ITGB4: variants seen among roughly 807,000 people sequenced by gnomAD.
The protein encoded by ITGB4 is integrin subunit beta 4.
A neutral mutation model predicts 207.6 loss-of-function variants in ITGB4; 159 were observed. The observed-to-expected ratio is 0.77, with a 90% CI of 0.67 to 0.87. The LOEUF (loss-of-function observed/expected upper bound fraction) is 0.87, where lower values mean the gene tolerates loss of function less well. ITGB4 is among the 40% of genes least tolerant of loss of function. The probability of loss-of-function intolerance (pLI) is 0.00; values close to 1 mark genes in which losing one functional copy is unlikely to be tolerated. For synonymous variants in ITGB4, 1,020 were observed against 1,062.7 expected (o/e 0.96, Z 0.78); for missense variants, 2,278 against 2,546.8 (o/e 0.89, Z 2.27).
chr17:75,732,380 G>T lies in ITGB4; in HGVS notation c.1454+141G>T. ...GGCAATCAAAGAAACGGCTAAGGGC[G>T]GGGCACACCCAGTTGTTGGTCAAAC... On this transcript the variant is annotated intron_variant, in intron 12 of 39. Transcript: ENST00000200181. The surrounding 1 kb of genome is among the most constrained non-coding windows in gnomAD (Gnocchi z 5.3). 1.3e-6 allele frequency: 1 copy of T among 782,500 alleles called. No homozygotes were observed. The highest frequency in any genetic ancestry group is 2.0e-5 in the Admixed American group (1 of 50,156). 48.5% of individuals were successfully genotyped at this position (782,500 alleles called of 1,614,324 possible). A position where few individuals can be genotyped will look rare whatever the true frequency, so the allele number is the denominator to read the frequency against.
chr17:75,740,201 G>A lies in ITGB4; in HGVS notation c.2446+130G>A. ...ACAGGGCTCAGCCACCTTTTGCCCT[G>A]TGCTGATGGTGCTATGAACCTCATG... On this transcript the variant is annotated intron_variant, in intron 20 of 39. Transcript: ENST00000200181. The surrounding 1 kb of genome is among the most constrained non-coding windows in gnomAD (Gnocchi z 5.9). The A allele has an allele frequency of 1.7e-6, 2 of 1,212,030 alleles. No individual in the cohort carries two copies. The highest frequency in any genetic ancestry group is 2.3e-6 in the Non-Finnish European group (2 of 855,730). The allele number at this position is 1,212,030 out of a possible 1,614,324, so 75.1% of individuals were successfully genotyped here.
In ITGB4 at chr17:75,730,308, A is replaced by G. The variant is rs1463731456; in HGVS notation, c.806A>G (p.Tyr269Cys). The G allele has an allele frequency of 1.2e-6, 2 of 1,613,510 alleles. No homozygotes were observed. The change falls in exon 8 of 40, where the codon TAT becomes TGT. Residue 269 changes from tyrosine (Y) to cysteine (C), a missense_variant. Tyr to Cys is a radical substitution (Grantham distance 194). Transcript: ENST00000200181. ...LVFSTESAFH[Y>C]EADGANVLAG... Reference sequence around the variant, plus strand: ...TTCTCCACCGAGTCAGCCTTCCACTATGAGGCTGATGGCGCCAACGTGCTG... The same window carrying G: ...TTCTCCACCGAGTCAGCCTTCCACTGTGAGGCTGATGGCGCCAACGTGCTG...
chr17:75,756,849 C>A lies in ITGB4; in HGVS notation c.5043C>A (p.Ala1681=). 3 of 1,612,322 alleles carry A rather than the reference C, an allele frequency of 1.9e-6. No individual in the cohort carries two copies. Among genetic ancestry groups the A allele is most frequent in the Non-Finnish European group, 2.5e-6 (3 of 1,179,976 alleles). Residue 1681 remains alanine, a synonymous_variant, in exon 37 of 40, where the codon GCC becomes GCA. Transcript: ENST00000200181. ...IVGYLVTCEM[A]QGGGPATAFR... is the part of the protein sequence containing the mutation. ...GCTACCTGGTGACCTGTGAGATGGC[C>A]CAAGGAGGAGGTGCTGCCCACCCCG...
At chr17:75,743,048 G>A (rs940488961) in intron 25 of ITGB4, among the ~76,000 whole-genome samples, 1 of 152,058 alleles carries the variant, frequency 6.6e-6, no homozygotes, top group Non-Finnish European at 1.5e-5. Flanking sequence ...AAAAGGGTTG[G>A]CCAAGGCATC....
chr17:75,736,315 G>A lies in ITGB4; in HGVS notation c.1789G>A (p.Glu597Lys), dbSNP rs377678641. 3.1e-6 allele frequency: 5 copies of A among 1,613,776 alleles called. No individual in the cohort carries two copies. In the African/African-American group the frequency reaches 5.3e-5, roughly 17 times the overall value. ...CATCTGTAATGGACGTGGCCACTGT[G>A]AGTGTGGCCGCTGCCACTGCCACCA... ...GGICNGRGHC[E>K]CGRCHCHQQS... Residue 597 changes from glutamate to lysine, a missense_variant, in exon 15 of 40, where the codon GAG (glutamate) becomes AAG (lysine). Physicochemically the swap from Glu to Lys is moderately conservative, Grantham distance 56. Coordinates refer to ENST00000200181, the MANE Select transcript of ITGB4 (RefSeq NM_000213.5).
In ITGB4 at chr17:75,727,260, G is replaced by A. The variant is rs146966502; in HGVS notation, c.145G>A (p.Ala49Thr). ...GTGTGTCCGTGTGGATAAGGACTGC[G>A]CCTACTGCACAGACGAGGTGAGGAC... ...TECVRVDKDC[A>T]YCTDEMFRDR... Residue 49 changes from alanine to threonine, a missense_variant, in exon 3 of 40, where the codon GCC becomes ACC. Physicochemically the swap from Ala to Thr is moderately conservative, Grantham distance 58. Coordinates refer to ENST00000200181, the MANE Select transcript of ITGB4 (RefSeq NM_000213.5). The surrounding 1 kb of genome is among the most constrained non-coding windows in gnomAD (Gnocchi z 6.0). 13 of 1,613,974 alleles carry A rather than the reference G, an allele frequency of 8.1e-6. No individual in the cohort carries two copies. Among genetic ancestry groups the A allele is most frequent in the East Asian group, 6.7e-5 (3 of 44,864 alleles).
In ITGB4 at chr17:75,757,684, A is replaced by G. The variant is rs774338264; in HGVS notation, c.*129A>G. On this transcript the variant is annotated 3_prime_UTR_variant, in exon 40 of 40. Coordinates refer to ENST00000200181, the MANE Select transcript of ITGB4 (RefSeq NM_000213.5). ...CACCCGCATGCACAGAGCAGGGGCT[A>G]GGTGTCTCCTGGGAGGCATGAAGGG... 5 of 1,316,804 alleles carry G rather than the reference A, an allele frequency of 3.8e-6. No homozygotes were observed. Among genetic ancestry groups the G allele is most frequent in the Non-Finnish European group, 5.4e-6 (5 of 923,126 alleles). The allele number at this position is 1,316,804 out of a possible 1,614,324, so 81.6% of individuals were successfully genotyped here. A position where few individuals can be genotyped will look rare whatever the true frequency, so the allele number is the denominator to read the frequency against.
At position 75,737,606 on chromosome 17, in the gene ITGB4, C is replaced by G; in HGVS notation, c.2182C>G (p.Leu728Val). 1 of 1,613,186 alleles carries G rather than the reference C, an allele frequency of 6.2e-7. No individual in the cohort carries two copies. The highest frequency in any genetic ancestry group is 8.5e-7 in the Non-Finnish European group (1 of 1,179,638). Residue 728 changes from leucine to valine, a missense_variant, in exon 18 of 40, where the codon CTA becomes GTA. By Grantham distance (32) the Leu-to-Val change is conservative (BLOSUM62 1). Transcript: ENST00000200181. Reference protein sequence around the residue: ...LLLLLPLLALLLLLCWKYCAC... With the variant: ...LLLLLPLLALVLLLCWKYCAC... ...CCTCCTCCTGCCGCTCCTGGCCCTG[C>G]TACTGCTGCTATGCTGGAAGTACTG... is the stretch of plus-strand genomic sequence containing the variant.
chr17:75,730,272 A>C lies in ITGB4; in HGVS notation c.770A>C (p.His257Pro), dbSNP rs1599227454. 1.9e-6 allele frequency: 3 copies of C among 1,613,052 alleles called. No homozygotes were observed. Among genetic ancestry groups the C allele is most frequent in the Non-Finnish European group, 1.7e-6 (2 of 1,179,930 alleles). Residue 257 changes from histidine to proline, a missense_variant, in exon 8 of 40, where the codon CAC (histidine) becomes CCC (proline). His to Pro is a moderately conservative substitution (Grantham distance 77). Coordinates refer to ENST00000200181, the MANE Select transcript of ITGB4 (RefSeq NM_000213.5). The stretch of plus-strand genomic sequence containing the variant: ...ATTGGCTGGCGCCCGGACAGCACCC[A>C]CCTGCTGGTCTTCTCCACCGAGTCA... ...RDIGWRPDSTHLLVFSTESAF... is the reference protein window; with the variant it reads ...RDIGWRPDSTPLLVFSTESAF...
chr17:75,739,578 T>C lies in ITGB4; in HGVS notation c.2221-94T>C, dbSNP rs1368661265. 21 of 1,421,490 alleles carry C rather than the reference T, an allele frequency of 1.5e-5. No homozygotes were observed. The highest frequency in any genetic ancestry group is 2.1e-5 in the Non-Finnish European group (21 of 1,007,622). 88.1% of individuals were successfully genotyped at this position (1,421,490 alleles called of 1,614,324 possible). On this transcript the variant is annotated intron_variant, in intron 18 of 39. Coordinates refer to ENST00000200181, the MANE Select transcript of ITGB4 (RefSeq NM_000213.5). This position sits in a 1 kb window ranked among gnomAD's most constrained non-coding sequence, Gnocchi z 5.4. ...GTGTCTGGGGAGGCACTGTCACCCC[T>C]CTTGACCATTGGCATGGGGCGGGGT...
chr17:75,735,073 C>A (rs1465892752), intron 13 of ITGB4, among the ~76,000 whole-genome samples: 1 of 152,156 alleles, frequency 6.6e-6, no homozygotes, highest in Non-Finnish European at 1.5e-5. Context: ...CAAATAAAGA[C>A]AATTTTATTG....
rs776380892 is a variant in ITGB4 at position 75,736,422 on chromosome 17, C to T, written c.1860+36C>T. 1.5e-5 allele frequency: 24 copies of T among 1,610,728 alleles called. No homozygotes were observed. The Admixed American group carries it at 3.3e-4, about 22-fold the overall frequency. On this transcript the variant is annotated intron_variant, in intron 15 of 39. Transcript: ENST00000200181. ...GACCTACGAGGTGTGGGCGTGGGAA[C>T]AGGGCAGGCACAGGGCAGTGTGGGC...
intron 6 of ITGB4, 94 bp downstream of exon 6, chr17:75,728,567 G>A (rs937090880): frequency 3.0e-5 from 30 of 1,013,628 alleles, no homozygotes; most frequent in Non-Finnish European, 4.1e-5. Context: ...ATCCTTCTAC[G>A]GCTGGGCACG....
intron 37 of ITGB4, 32 bp from the exon 38 acceptor site, chr17:75,756,911 C>T (rs1244823946): frequency 1.9e-6 from 3 of 1,612,140 alleles, no homozygotes; most frequent in South Asian, 1.1e-5. Flanking sequence ...AAAGAGGGGG[C>T]CGCAGACGCT....
chr17:75,754,247 G>T (rs2061434993), intron 33 of ITGB4, among the ~76,000 whole-genome samples: 1 of 152,208 alleles, frequency 6.6e-6, no homozygotes, highest in Admixed American at 6.5e-5. Context: ...AGACCCCTCA[G>T]GGGCCTCAAA....
In ITGB4 at chr17:75,740,089, C is replaced by T. The variant is rs767394422; in HGVS notation, c.2446+18C>T. 9.2e-5 allele frequency: 148 copies of T among 1,603,926 alleles called. No homozygotes were observed. The highest frequency in any genetic ancestry group is 5.2e-4 in the South Asian group (47 of 90,074). ...AGAGCTGGGTGAGGGCGGGGCTGGG[C>T]GCCACAGCTCTGGGCAGTGCCCTTC... On this transcript the variant is annotated intron_variant, in intron 20 of 39. Coordinates refer to ENST00000200181, the MANE Select transcript of ITGB4 (RefSeq NM_000213.5). The surrounding 1 kb of genome is among the most constrained non-coding windows in gnomAD (Gnocchi z 5.9).
In ITGB4 at chr17:75,727,887, G is replaced by T. The variant is rs539886898; in HGVS notation, c.469+32G>T. 5.6e-6 allele frequency: 9 copies of T among 1,603,516 alleles called. No homozygotes were observed. In the African/African-American group the frequency reaches 8.0e-5, roughly 14 times the overall value. The stretch of plus-strand genomic sequence containing the variant: ...CAGGGCCAGAGTGGAGGACAGCAGG[G>T]CAGGAGGGGGACAGGTGGGCGTCTG... On this transcript the variant is annotated intron_variant, in intron 5 of 39. Coordinates refer to ENST00000200181, the MANE Select transcript of ITGB4 (RefSeq NM_000213.5). The surrounding 1 kb of genome is among the most constrained non-coding windows in gnomAD (Gnocchi z 6.0).
rs1175623938 is a variant in ITGB4 at position 75,757,534 on chromosome 17, C to CCAA, written c.5451_5453dup (p.Gln1818dup). On this transcript the variant is annotated inframe_insertion, in exon 40 of 40. Coordinates refer to ENST00000200181, the MANE Select transcript of ITGB4 (RefSeq NM_000213.5). ...GCGGAACCCTTAGCACCCACATGGA[C>CCAA]CAACAGTTCTTCCAAACTTGACCGC... The CCAA allele has an allele frequency of 1.9e-6, 3 of 1,613,468 alleles. No individual in the cohort carries two copies. Among genetic ancestry groups the CCAA allele is most frequent in the Non-Finnish European group, 2.5e-6 (3 of 1,179,986 alleles).
At chr17:75,757,358 T>C in intron 39 of ITGB4, 48 bp downstream of exon 39, 2 of 1,612,496 alleles carry the variant, frequency 1.2e-6, no homozygotes, top group Admixed American at 1.7e-5. Flanking sequence ...GACAGGGAGC[T>C]AGCAGAGGGA....
Sources: gnomAD v4.1 joint callset for allele counts (sites outside exome capture counted in the v4.1 genomes callset) on GRCh38, gnomAD v4.1.1 for gene constraint, Gnocchi (gnomAD v3.1) non-coding constraint, MANE v1.5 for transcripts, NCBI Gene and HGNC (gene_info 2026-07-23, HGNC 2026-07-21) for gene names.